Variants in HS3ST4 observed in about 807,000 individuals in gnomAD.
HS3ST4 encodes heparan sulfate-glucosamine 3-sulfotransferase 4.
A neutral mutation model predicts 29.2 loss-of-function variants in HS3ST4; 17 were observed. That is an observed-to-expected ratio of 0.58 (90% CI 0.40 to 0.87). The LOEUF is 0.87. Ranked by LOEUF, HS3ST4 falls within the 40% of genes least tolerant of loss-of-function variation. The pLI is 0.00. For missense variants in HS3ST4, 627 were observed against 634.5 expected (o/e 0.99, Z 0.13); for synonymous variants, 314 against 285.7 (o/e 1.10, Z -1.00).
chr16:25,734,338 G>T (rs1244908582), intron 1 of HS3ST4, among the ~76,000 whole-genome samples: 3 of 152,116 alleles, frequency 2.0e-5, no homozygotes, highest in Non-Finnish European at 2.9e-5. Flanking sequence ...ATCTGTACAG[G>T]TCTTCCAGCT....
chr16:25,785,496 A>C (rs2141617134), intron 1 of HS3ST4, among the ~76,000 whole-genome samples: 1 of 152,362 alleles, frequency 6.6e-6, no homozygotes, highest in Non-Finnish European at 1.5e-5. Flanking sequence ...AATTAGTCCA[A>C]GTAAATGATC....
chr16:25,868,080 C>T (rs903934291), intron 1 of HS3ST4, among the ~76,000 whole-genome samples: 2 of 152,110 alleles, frequency 1.3e-5, no homozygotes, highest in African/African-American at 2.4e-5. Context: ...GGATAATGCA[C>T]GTCAGACGCA....
chr16:25,911,394 C>G (rs1192729336), intron 1 of HS3ST4, among the ~76,000 whole-genome samples: 1 of 151,922 alleles, frequency 6.6e-6, no homozygotes, highest in Non-Finnish European at 1.5e-5. Context: ...AGAGGCCAAG[C>G]CAGCCTGTCA....
intron 1 of HS3ST4, among the ~76,000 whole-genome samples, chr16:25,822,025 T>G (rs1251341538): frequency 6.6e-6 from 1 of 152,238 alleles, no homozygotes; most frequent in Non-Finnish European, 1.5e-5. Context: ...GTCTTGTTTT[T>G]CATCCTCTCC....
intron 1 of HS3ST4, among the ~76,000 whole-genome samples, chr16:25,802,716 A>G (rs1463462402): frequency 1.3e-5 from 2 of 152,086 alleles, no homozygotes; most frequent in Admixed American, 6.6e-5. Context: ...CCATCTAGGG[A>G]CATGGCTTGT....
intron 1 of HS3ST4, among the ~76,000 whole-genome samples, chr16:25,794,995 G>A (rs1469408311): frequency 7.5e-6 from 1 of 132,488 alleles, no homozygotes; most frequent in Non-Finnish European, 1.6e-5. Flanking sequence ...TTTTGGTGAT[G>A]CAGTCTCTCA....
intron 1 of HS3ST4, among the ~76,000 whole-genome samples, chr16:25,943,918 G>A (rs544818649): frequency 8.2e-4 from 124 of 152,050 alleles, no homozygotes; most frequent in Non-Finnish European, 1.5e-3. Context: ...AAAGTACTTC[G>A]TACATTTAGA....
At chr16:25,898,132 CA>C (rs1968089196) in intron 1 of HS3ST4, among the ~76,000 whole-genome samples, 1 of 152,172 alleles carries the variant, frequency 6.6e-6, no homozygotes, top group Non-Finnish European at 1.5e-5. Flanking sequence ...CTTTCTTGCT[CA>C]ATGTCTTCTC....
chr16:25,811,368 A>C (rs1403443170), intron 1 of HS3ST4, among the ~76,000 whole-genome samples: 1 of 151,998 alleles, frequency 6.6e-6, no homozygotes, highest in Non-Finnish European at 1.5e-5. Flanking sequence ...TCACTTAATG[A>C]ATAGTAAATA....
rs1375002718 is a variant in HS3ST4, at chr16:25,692,846, G to A, written c.429G>A (p.Pro143=). 16 of 1,449,658 alleles carry A rather than the reference G, an allele frequency of 1.1e-5. No homozygotes were observed. Among genetic ancestry groups the A allele is most frequent in the Admixed American group, 5.1e-5 (2 of 39,326 alleles). The allele number at this position is 1,449,658 out of a possible 1,614,324, so 89.8% of individuals were successfully genotyped here. Residue 143 remains proline, a synonymous_variant, in exon 1 of 2, where the codon CCG becomes CCA. Coordinates refer to ENST00000331351, the MANE Select transcript of HS3ST4 (RefSeq NM_006040.3). The stretch of plus-strand genomic sequence containing the variant: ...CCCAGGACGCCTGGCTCCGGACCCC[G>A]CTGGCCCCCAGCGAGATGATCACGG... The part of the protein sequence containing the change: ...GGAQDAWLRT[P]LAPSEMITAQ...
chr16:25,895,581 A>G (rs1391019181), intron 1 of HS3ST4, among the ~76,000 whole-genome samples: 2 of 152,038 alleles, frequency 1.3e-5, no homozygotes, highest in African/African-American at 4.8e-5. Context: ...GATGCTGTGG[A>G]CTGGGCGCCT....
chr16:26,041,531 C>T (rs1969636091), intron 1 of HS3ST4, among the ~76,000 whole-genome samples: 1 of 152,080 alleles, frequency 6.6e-6, no homozygotes, highest in Admixed American at 6.6e-5. Flanking sequence ...GTAGGTGATT[C>T]TGATGCACTG....
At chr16:26,086,428 C>T (rs1898787988) in intron 1 of HS3ST4, among the ~76,000 whole-genome samples, 3 of 151,938 alleles carry the variant, frequency 2.0e-5, no homozygotes, top group Admixed American at 6.5e-5. Flanking sequence ...CGGCTCACTG[C>T]AAGCTCCGCC....
intron 1 of HS3ST4, among the ~76,000 whole-genome samples, chr16:26,027,304 T>G (rs946992957): frequency 1.3e-5 from 2 of 152,138 alleles, no homozygotes; most frequent in South Asian, 2.1e-4. Flanking sequence ...CATAAGAAAT[T>G]TCTGTGGTTC....
At chr16:26,064,289 CT>C (rs1383819888) in intron 1 of HS3ST4, among the ~76,000 whole-genome samples, 1 of 152,116 alleles carries the variant, frequency 6.6e-6, no homozygotes, top group Non-Finnish European at 1.5e-5. Flanking sequence ...ATGTTAGTTA[CT>C]TTTAATCCCT....
intron 1 of HS3ST4, among the ~76,000 whole-genome samples, chr16:25,909,397 C>T (rs1346715217): frequency 6.6e-6 from 1 of 152,102 alleles, no homozygotes; most frequent in Admixed American, 6.5e-5. Context: ...CCATGTTGTC[C>T]AGGCTGGTCT....
intron 1 of HS3ST4, among the ~76,000 whole-genome samples, chr16:25,868,902 G>C (rs909133886): frequency 2.6e-5 from 4 of 152,028 alleles, no homozygotes; most frequent in Admixed American, 2.6e-4. Flanking sequence ...TGCTTCTAGG[G>C]TTTCTTTGTC....
chr16:26,126,092 G>A (rs1337152353), intron 1 of HS3ST4, among the ~76,000 whole-genome samples: 1 of 152,172 alleles, frequency 6.6e-6, no homozygotes, highest in Admixed American at 6.5e-5. Context: ...ATTCAGACCC[G>A]CCTCTGACAC....
intron 1 of HS3ST4, among the ~76,000 whole-genome samples, chr16:25,980,866 A>T (rs1229491761): frequency 1.3e-5 from 2 of 152,170 alleles, no homozygotes; most frequent in East Asian, 3.9e-4. Flanking sequence ...GGAAAACATG[A>T]GTGAGTGCCT....
Sources: gnomAD v4.1 joint callset for allele counts (sites outside exome capture counted in the v4.1 genomes callset) on GRCh38, gnomAD v4.1.1 for gene constraint, MANE v1.5 for transcripts, NCBI Gene and HGNC (gene_info 2026-07-23, HGNC 2026-07-21) for gene names.